Variants in EYS observed in about 807,000 individuals in gnomAD.
EYS encodes EGF-like photoreceptor maintenance factor, also known as protein eyes shut homolog.
A neutral mutation model predicts 282.1 loss-of-function variants in EYS; 250 were observed. The ratio of observed to expected loss-of-function variants is 0.89; its 90% CI spans 0.80 to 0.98. EYS has a LOEUF of 0.98. Ranked by LOEUF, EYS falls within the 50% of genes least tolerant of loss-of-function variation. The pLI is 0.00. For synonymous variants in EYS, 1,355 were observed against 1,282.9 expected (o/e 1.06, Z -1.20); for missense variants, 4,016 against 3,709.0 (o/e 1.08, Z -2.15).
intron 2 of EYS, among the ~76,000 whole-genome samples, chr6:65,568,416 C>T (rs574988682): frequency 6.6e-6 from 1 of 151,490 alleles, no homozygotes; most frequent in African/African-American, 2.4e-5. Flanking sequence ...AATACATTTG[C>T]ATGCCATTTT....
chr6:63,929,014 C>T (rs972300366), intron 35 of EYS, among the ~76,000 whole-genome samples: 2 of 152,132 alleles, frequency 1.3e-5, no homozygotes, highest in Non-Finnish European at 2.9e-5. Flanking sequence ...TTGAGGCTAA[C>T]TGAAACATGC....
chr6:63,789,321 A>G (rs1316678990), intron 37 of EYS, 97 bp from the exon 38 acceptor site: 4 of 1,192,334 alleles, frequency 3.4e-6, no homozygotes, highest in African/African-American at 1.5e-5. Flanking sequence ...ACAGATCAGT[A>G]TGGTAAGTTA....
intron 36 of EYS, among the ~76,000 whole-genome samples, chr6:63,824,902 C>G (rs1185681057): frequency 1.3e-5 from 2 of 152,190 alleles, no homozygotes; most frequent in Non-Finnish European, 2.9e-5. Flanking sequence ...CGAGAAGCCT[C>G]CTGGCCAGAA....
intron 29 of EYS, among the ~76,000 whole-genome samples, chr6:64,362,243 A>G (rs1561951437): frequency 6.6e-6 from 1 of 151,846 alleles, no homozygotes; most frequent in Non-Finnish European, 1.5e-5. Context: ...AAGCAACAAA[A>G]TCTATACAGA....
At chr6:64,962,082 C>A (rs960763131) in intron 14 of EYS, among the ~76,000 whole-genome samples, 1 of 152,054 alleles carries the variant, frequency 6.6e-6, no homozygotes, top group African/African-American at 2.4e-5. Flanking sequence ...ATATTCTGTT[C>A]TTTGTCACTA....
intron 14 of EYS, among the ~76,000 whole-genome samples, chr6:64,973,260 C>T (rs1770357688): frequency 6.6e-6 from 1 of 152,028 alleles, no homozygotes; most frequent in Admixed American, 6.6e-5. Flanking sequence ...TTAACAGATA[C>T]TTACTGACTA....
chr6:65,468,134 T>C (rs1049053295), intron 5 of EYS, among the ~76,000 whole-genome samples: 7 of 152,112 alleles, frequency 4.6e-5, no homozygotes, highest in Non-Finnish European at 1.0e-4. Flanking sequence ...TATGACACTT[T>C]ATCCTTAAAG....
intron 19 of EYS, among the ~76,000 whole-genome samples, chr6:64,835,979 C>A (rs774461612): frequency 4.0e-5 from 6 of 151,388 alleles, no homozygotes; most frequent in South Asian, 2.1e-4. Flanking sequence ...TGGTCAAATG[C>A]CTCCCTTTCC....
chr6:65,230,583 A>T (rs1766745612), intron 12 of EYS, among the ~76,000 whole-genome samples: 1 of 151,846 alleles, frequency 6.6e-6, no homozygotes. Context: ...ATTATCAACA[A>T]TGCAAAATTT....
At chr6:64,741,859 T>A (rs973722155) in intron 22 of EYS, among the ~76,000 whole-genome samples, 6 of 152,226 alleles carry the variant, frequency 3.9e-5, no homozygotes, top group Non-Finnish European at 8.8e-5. Flanking sequence ...AAAGAGAATG[T>A]CATACCTGGT....
At chr6:65,701,140 T>C (rs1210479273) in intron 1 of EYS, among the ~76,000 whole-genome samples, 1 of 152,216 alleles carries the variant, frequency 6.6e-6, no homozygotes, top group Non-Finnish European at 1.5e-5. Context: ...CTGTACTTTT[T>C]AAATATATTT....
intron 13 of EYS, among the ~76,000 whole-genome samples, chr6:65,006,076 G>T (rs1458019160): frequency 6.6e-6 from 1 of 152,066 alleles, no homozygotes; most frequent in African/African-American, 2.4e-5. Context: ...CTATAACCCA[G>T]GGAGTCTTAT....
intron 29 of EYS, among the ~76,000 whole-genome samples, chr6:64,368,622 T>A (rs1458193091): frequency 3.9e-5 from 6 of 152,158 alleles, no homozygotes; most frequent in African/African-American, 1.4e-4. Flanking sequence ...TGAGACTGCA[T>A]CTCATTGTGG....
At chr6:63,770,527 C>A (rs906584401) in intron 40 of EYS, among the ~76,000 whole-genome samples, 1 of 152,004 alleles carries the variant, frequency 6.6e-6, no homozygotes, top group Non-Finnish European at 1.5e-5. Flanking sequence ...TAGCAATGGG[C>A]GATCACACGA....
intron 2 of EYS, among the ~76,000 whole-genome samples, chr6:65,508,367 C>G: frequency 6.6e-6 from 1 of 151,992 alleles, no homozygotes; most frequent in Non-Finnish European, 1.5e-5. Flanking sequence ...TGTCTCTAGC[C>G]TGTAGCCTTA....
Position 64,156,862 on chromosome 6 carries a change from G to GTT in EYS, c.6424+73728_6424+73729dup, listed in dbSNP as rs553416480. 3.8e-3 allele frequency among the ~76,000 whole-genome samples: 565 copies of GTT among 148,826 alleles called. 4 individuals are homozygous for GTT. Among genetic ancestry groups the GTT allele is most frequent in the African/African-American group, 0.013 (535 of 40,466 alleles). ...AGTTGGGTGTTGTTAAAGGCATTCA[G>GTT]TTTTTTTTTTAATTTTTAATTTTTA... On this transcript the variant is annotated intron_variant, in intron 31 of 42. Coordinates refer to ENST00000503581, the MANE Select transcript of EYS (RefSeq NM_001142800.2).
At chr6:65,259,896 T>C (rs1015108050) in intron 12 of EYS, among the ~76,000 whole-genome samples, 1 of 152,114 alleles carries the variant, frequency 6.6e-6, no homozygotes, top group African/African-American at 2.4e-5. Context: ...GGACAGCTCA[T>C]GCAATCTCTC....
intron 31 of EYS, among the ~76,000 whole-genome samples, chr6:64,170,509 G>T (rs956376857): frequency 7.9e-5 from 12 of 151,886 alleles, no homozygotes; most frequent in Non-Finnish European, 8.8e-5. Context: ...CCCAGTGGTT[G>T]CTGGCAATCT....
At chr6:63,980,001 C>T (rs546917234) in intron 35 of EYS, among the ~76,000 whole-genome samples, 1 of 151,956 alleles carries the variant, frequency 6.6e-6, no homozygotes, top group African/African-American at 2.4e-5. Context: ...AGTGTAGGAA[C>T]AGCACTTTAC....
Sources: allele counts gnomAD v4.1 joint callset (sites outside exome capture counted in the v4.1 genomes callset), GRCh38; gene constraint gnomAD v4.1.1; transcripts MANE v1.5; gene names NCBI Gene and HGNC (gene_info 2026-07-23, HGNC 2026-07-21).